The following HNF4G variants were observed in gnomAD, a reference collection of about 807,000 sequenced individuals.
HNF4G encodes hepatocyte nuclear factor 4-gamma.
HNF4G carries 21 observed loss-of-function variants against 50.9 expected under a neutral mutation model. That is an observed-to-expected ratio of 0.41 (90% CI 0.29 to 0.59). The LOEUF is 0.59. Among genes scored for constraint, HNF4G ranks in the 20% least tolerant of loss-of-function variants. The pLI, the probability that HNF4G is intolerant of heterozygous loss-of-function variation, is 0.26. For synonymous variants in HNF4G, 198 were observed against 185.6 expected (o/e 1.07, Z -0.54); for missense variants, 527 against 559.4 (o/e 0.94, Z 0.58).
Position 75,565,461 on chromosome 8 carries a change from G to A in HNF4G, c.*1365G>A, listed in dbSNP as rs1314074673. The A allele has an allele frequency of 6.6e-6, 1 of 152,156 alleles. No individual in the cohort carries two copies. The highest frequency in any genetic ancestry group is 1.5e-5 in the Non-Finnish European group (1 of 68,028). The allele number at this position is 152,156 out of a possible 1,614,324, so 9.4% of individuals were successfully genotyped here. On this transcript the variant is annotated 3_prime_UTR_variant, in exon 10 of 10. Transcript: ENST00000396423. The stretch of plus-strand genomic sequence containing the variant: ...ACTGGCTTAGCAGATTCTTTGAAAT[G>A]TAGCAGCCCAGGGATGTACCAAATG...
intron 1 of HNF4G, among the ~76,000 whole-genome samples, chr8:75,476,057 T>C (rs1463691282): frequency 6.6e-6 from 1 of 152,144 alleles, no homozygotes; most frequent in Non-Finnish European, 1.5e-5. Flanking sequence ...ATAGTGCATA[T>C]TGCACCCAAA....
At chr8:75,517,493 T>C (rs1311637340) in intron 2 of HNF4G, among the ~76,000 whole-genome samples, 1 of 152,188 alleles carries the variant, frequency 6.6e-6, no homozygotes, top group Non-Finnish European at 1.5e-5. Context: ...AATACACCTG[T>C]TCCAAATGGG....
intron 1 of HNF4G, among the ~76,000 whole-genome samples, chr8:75,468,369 T>C (rs923203440): frequency 6.6e-6 from 1 of 152,254 alleles, no homozygotes; most frequent in East Asian, 1.9e-4. Context: ...TCTCCCACTT[T>C]GTGTTCATTT....
chr8:75,459,860 A>G (rs1811803921), intron 1 of HNF4G, among the ~76,000 whole-genome samples: 1 of 152,120 alleles, frequency 6.6e-6, no homozygotes, highest in African/African-American at 2.4e-5. Flanking sequence ...TTCAAGTTAC[A>G]TAGTTGTGTC....
chr8:75,552,175 C>A (rs543368880), intron 4 of HNF4G, among the ~76,000 whole-genome samples: 1 of 151,944 alleles, frequency 6.6e-6, no homozygotes, highest in African/African-American at 2.4e-5. Flanking sequence ...TAATCAGGTC[C>A]TATAATGAGT....
Position 75,555,970 on chromosome 8 carries a change from T to A in HNF4G, c.646-12T>A, listed in dbSNP as rs1018903113. 2 of 1,449,282 alleles carry A rather than the reference T, an allele frequency of 1.4e-6. No individual in the cohort carries two copies. The highest frequency in any genetic ancestry group is 1.9e-6 in the Non-Finnish European group (2 of 1,072,984). 89.8% of individuals were successfully genotyped at this position (1,449,282 alleles called of 1,614,324 possible). A position where few individuals can be genotyped will look rare whatever the true frequency, so the allele number is the denominator to read the frequency against. Reference sequence around the variant, plus strand: ...TTATAATTAATTGTTAAACTGAGAATTTTTCATTAAGGTGGCACTGTTGAG... The same window carrying A: ...TTATAATTAATTGTTAAACTGAGAAATTTTCATTAAGGTGGCACTGTTGAG... On this transcript the variant is annotated splice_polypyrimidine_tract_variant and intron_variant, in intron 5 of 9. Coordinates refer to ENST00000396423, the MANE Select transcript of HNF4G (RefSeq NM_004133.5).
At chr8:75,460,490 C>G (rs1205771150) in intron 1 of HNF4G, among the ~76,000 whole-genome samples, 1 of 152,076 alleles carries the variant, frequency 6.6e-6, no homozygotes, top group Non-Finnish European at 1.5e-5. Flanking sequence ...TATAGACTTT[C>G]CAACTAAAAT....
Position 75,564,187 on chromosome 8 carries a change from C to T in HNF4G, c.*91C>T. On this transcript the variant is annotated 3_prime_UTR_variant, in exon 10 of 10. Coordinates refer to ENST00000396423, the MANE Select transcript of HNF4G (RefSeq NM_004133.5). ...GATAGCACTTTTGGCAAACTCTTAG[C>T]CAAGGCTTCTTCATTGGTGCTGTTA... The T allele has an allele frequency of 7.5e-7, 1 of 1,332,350 alleles. No homozygotes were observed. The highest frequency in any genetic ancestry group is 1.0e-6 in the Non-Finnish European group (1 of 954,394). The allele number at this position is 1,332,350 out of a possible 1,614,324, so 82.5% of individuals were successfully genotyped here. A position where few individuals can be genotyped will look rare whatever the true frequency, so the allele number is the denominator to read the frequency against.
At chr8:75,440,265 G>A (rs1811246130) in intron 1 of HNF4G, among the ~76,000 whole-genome samples, 2 of 152,138 alleles carry the variant, frequency 1.3e-5, no homozygotes, top group Admixed American at 6.5e-5. Context: ...TGTTCTGTGA[G>A]TGGGTCCATT....
intron 1 of HNF4G, among the ~76,000 whole-genome samples, chr8:75,430,894 G>A (rs1454177526): frequency 3.3e-5 from 5 of 152,060 alleles, no homozygotes; most frequent in South Asian, 2.1e-4. Context: ...AGTAGATTAC[G>A]AAGATTGTTG....
chr8:75,415,747 C>T (rs1810618301), intron 1 of HNF4G, among the ~76,000 whole-genome samples: 1 of 151,656 alleles, frequency 6.6e-6, no homozygotes, highest in South Asian at 2.1e-4. Context: ...TAAGCCAATG[C>T]CTTTTCAACC....
chr8:75,446,699 A>T (rs916570298), intron 1 of HNF4G, among the ~76,000 whole-genome samples: 4 of 84,366 alleles, frequency 4.7e-5, no homozygotes, highest in African/African-American at 2.6e-4. Flanking sequence ...AAAGAGAATA[A>T]AATACCTAGG....
At chr8:75,415,021 C>T (rs1810599572) in intron 1 of HNF4G, among the ~76,000 whole-genome samples, 1 of 152,164 alleles carries the variant, frequency 6.6e-6, no homozygotes, top group Non-Finnish European at 1.5e-5. Flanking sequence ...TCTTTACAGC[C>T]TAACCAACAC....
In HNF4G at chr8:75,540,016, A is replaced by G. The variant is rs1453816973; in HGVS notation, c.54A>G (p.Glu18=). 4.3e-5 allele frequency: 69 copies of G among 1,608,736 alleles called. No homozygotes were observed. The highest frequency in any genetic ancestry group is 1.6e-4 in the Middle Eastern group (1 of 6,080). The change falls in exon 1 of 10, where the codon GAA becomes GAG. Residue 18 remains glutamate (E), a synonymous_variant. Transcript: ENST00000396423. Reference sequence around the variant, plus strand: ...ACATGGACATGGCAAATTACAGTGAAGTTTTGGACCCAACTTACACAACTT... The same window carrying G: ...ACATGGACATGGCAAATTACAGTGAGGTTTTGGACCCAACTTACACAACTT... The part of the protein sequence containing the change: ...ILDMDMANYS[E]VLDPTYTTLE...
At chr8:75,528,665 G>C (rs1487732883) in intron 2 of HNF4G, among the ~76,000 whole-genome samples, 4 of 152,076 alleles carry the variant, frequency 2.6e-5, no homozygotes, top group Non-Finnish European at 4.4e-5. Context: ...AGTTCAGATG[G>C]GTCTGCAGAG....
At chr8:75,527,348 C>T (rs1806212433) in intron 2 of HNF4G, among the ~76,000 whole-genome samples, 2 of 152,120 alleles carry the variant, frequency 1.3e-5, no homozygotes, top group Admixed American at 6.5e-5. Context: ...TAAATAGAAA[C>T]ACACACAAAA....
At chr8:75,474,061 T>A (rs1478478007) in intron 1 of HNF4G, among the ~76,000 whole-genome samples, 1 of 152,184 alleles carries the variant, frequency 6.6e-6, no homozygotes, top group Non-Finnish European at 1.5e-5. Flanking sequence ...AATAGAGATC[T>A]CTAGACATTG....
At chr8:75,436,767 G>A (rs949984419) in intron 1 of HNF4G, among the ~76,000 whole-genome samples, 1 of 152,180 alleles carries the variant, frequency 6.6e-6, no homozygotes, top group Non-Finnish European at 1.5e-5. Flanking sequence ...ACTTTGTCCA[G>A]GCACAGTGGC....
At chr8:75,552,074 C>G (rs1171181122) in intron 4 of HNF4G, among the ~76,000 whole-genome samples, 1 of 151,994 alleles carries the variant, frequency 6.6e-6, no homozygotes, top group Non-Finnish European at 1.5e-5. Flanking sequence ...ATAAAGAAAT[C>G]CTTAAATCAA....
Sources: allele counts gnomAD v4.1 joint callset (sites outside exome capture counted in the v4.1 genomes callset), GRCh38; gene constraint gnomAD v4.1.1; transcripts MANE v1.5; gene names NCBI Gene and HGNC (gene_info 2026-07-23, HGNC 2026-07-21).